The following VIT variants were observed in gnomAD, a reference collection of about 807,000 sequenced individuals.
The protein encoded by VIT is vitrin.
VIT carries 99 observed loss-of-function variants against 78.0 expected under a neutral mutation model. The ratio of observed to expected loss-of-function variants is 1.27; its 90% CI spans 1.08 to 1.50. The LOEUF (loss-of-function observed/expected upper bound fraction) is 1.50. VIT is among the 40% of genes most tolerant of loss of function. VIT has a pLI of 0.00. For missense variants in VIT, 1,126 were observed against 875.3 expected, an observed-to-expected ratio of 1.29 and a Z score of -3.61; for synonymous variants, 374 against 334.3, an observed-to-expected ratio of 1.12 and a Z score of -1.29.
At chr2:36,714,715 A>G (rs147145121) in intron 1 of VIT, among the ~76,000 whole-genome samples, 41 of 152,272 alleles carry the variant, frequency 2.7e-4, no homozygotes, top group Admixed American at 5.9e-4. Context: ...TCCTCCACCC[A>G]CTTTTACCTC....
chr2:36,730,187 C>T (rs1452137205), intron 3 of VIT, among the ~76,000 whole-genome samples: 2 of 151,642 alleles, frequency 1.3e-5, no homozygotes, highest in Non-Finnish European at 2.9e-5. Context: ...ATTAGGGAGG[C>T]TGAGGCACGA....
chr2:36,804,029 CT>C (rs1182457851), intron 13 of VIT, among the ~76,000 whole-genome samples: 1 of 152,200 alleles, frequency 6.6e-6, no homozygotes, highest in Non-Finnish European at 1.5e-5. Context: ...AGTACTAAAA[CT>C]GGGAAAGTCC....
At chr2:36,801,234 G>C in intron 12 of VIT, 67 bp from the exon 13 acceptor site, 1 of 1,383,486 alleles carries the variant, frequency 7.2e-7, no homozygotes, top group Middle Eastern at 1.8e-4. Context: ...AATCAACCAT[G>C]ATCTCTGCCT....
intron 1 of VIT, among the ~76,000 whole-genome samples, chr2:36,714,105 G>A (rs1387780675): frequency 6.6e-6 from 1 of 152,168 alleles, no homozygotes; most frequent in Non-Finnish European, 1.5e-5. Flanking sequence ...AAGTGTTGTT[G>A]GAAAATAACA....
At chr2:36,809,300 T>C (rs1014955943) in intron 15 of VIT, among the ~76,000 whole-genome samples, 4 of 152,150 alleles carry the variant, frequency 2.6e-5, no homozygotes, top group African/African-American at 9.7e-5. Context: ...CATGATACAT[T>C]AAAAGGGAAT....
chr2:36,798,041 C>G (rs1666034720), intron 12 of VIT, among the ~76,000 whole-genome samples: 1 of 151,966 alleles, frequency 6.6e-6, no homozygotes. Flanking sequence ...AAAGGGTGAA[C>G]AGTTCATTTT....
chr2:36,753,363 TAA>T (rs1668580925), intron 4 of VIT, among the ~76,000 whole-genome samples: 1 of 136,714 alleles, frequency 7.3e-6, no homozygotes, highest in East Asian at 3.1e-4. Flanking sequence ...CCCCTGAACT[TAA>T]AATAAAAGTT....
chr2:36,775,181 G>C (rs999542663), intron 9 of VIT, 114 bp downstream of exon 9: 3 of 1,210,848 alleles, frequency 2.5e-6, no homozygotes, highest in Non-Finnish European at 3.5e-6. Context: ...TCAACTTCAG[G>C]TCACCAGAGT....
In VIT at chr2:36,735,759, A is replaced by T. The variant is rs112711412; in HGVS notation, c.118+6268A>T. ...CCCACCTTCCCAGTCTTAGAAGATC[A>T]TTGTGTCTCCATCACTCTTTGGGCT... On this transcript the variant is annotated intron_variant, in intron 3 of 15. Transcript: ENST00000379242. Among the ~76,000 whole-genome samples the T allele has an allele frequency of 3.2e-3, 483 of 152,290 alleles. 3 individuals carry two copies. The highest frequency in any genetic ancestry group is 0.011 in the African/African-American group (451 of 41,564).
At chr2:36,805,287 G>C in intron 13 of VIT, 151 bp from the exon 14 acceptor site, 2 of 873,454 alleles carry the variant, frequency 2.3e-6, no homozygotes, top group Non-Finnish European at 3.2e-6. Flanking sequence ...CTGGGCAACA[G>C]AGCAAGACCC....
chr2:36,729,488 T>C lies in VIT; in HGVS notation c.115T>C (p.Phe39Leu). Residue 39 changes from phenylalanine (F) to leucine (L), a missense_variant, in exon 3 of 16, where the codon TTC (phenylalanine) becomes CTC (leucine). Phe to Leu is a conservative substitution (Grantham distance 22, BLOSUM62 0). Transcript: ENST00000379242. ...GGCAAAGAAGATTAAAAGGCCCAAGTTCAGTAAGTAAAATCACAATTCCTT... is the reference window on the plus strand; with the variant it reads ...GGCAAAGAAGATTAAAAGGCCCAAGCTCAGTAAGTAAAATCACAATTCCTT... ...ETAKKIKRPK[F>L]TVPQINCDVK... 6.2e-7 allele frequency: 1 copy of C among 1,608,890 alleles called. No individual in the cohort carries two copies. The highest frequency in any genetic ancestry group is 8.5e-7 in the Non-Finnish European group (1 of 1,177,710).
At chr2:36,779,047 G>T (rs80304500) in intron 9 of VIT, among the ~76,000 whole-genome samples, 6,053 of 152,266 alleles carry the variant, frequency 0.04, 359 homozygotes, top group East Asian at 0.25. Context: ...CCAGCACCAA[G>T]ATCACACCAC....
intron 3 of VIT, among the ~76,000 whole-genome samples, chr2:36,734,928 C>T (rs554965111): frequency 6.6e-6 from 1 of 152,084 alleles, no homozygotes; most frequent in Non-Finnish European, 1.5e-5. Context: ...CTTTGGGAGG[C>T]CGAGGCAGGT....
intron 15 of VIT, among the ~76,000 whole-genome samples, chr2:36,812,646 A>G (rs1246079340): frequency 6.6e-6 from 1 of 151,932 alleles, no homozygotes; most frequent in Admixed American, 6.6e-5. Context: ...CTCCCTCCCT[A>G]TAAATAAAAC....
At chr2:36,781,869 T>A in intron 10 of VIT, 98 bp downstream of exon 10, 1 of 1,435,450 alleles carries the variant, frequency 7.0e-7, no homozygotes, top group Non-Finnish European at 9.7e-7. Context: ...GCGGCCGAGC[T>A]CCACTAGCCT....
At chr2:36,811,977 G>A (rs1205033635) in intron 15 of VIT, among the ~76,000 whole-genome samples, 6 of 151,976 alleles carry the variant, frequency 3.9e-5, no homozygotes, top group African/African-American at 9.7e-5. Context: ...CGCCTGGCCC[G>A]GAGAGCTAAA....
chr2:36,727,292 A>G (rs1666915681), intron 2 of VIT, among the ~76,000 whole-genome samples: 1 of 152,050 alleles, frequency 6.6e-6, no homozygotes, highest in African/African-American at 2.4e-5. Context: ...ACTCGTATGC[A>G]CACACACATG....
In VIT at chr2:36,805,567, T is replaced by C; in HGVS notation, c.1292T>C (p.Leu431Pro). ...GACAAAGTGGAGGAGGCTTCAAGAC[T>C]TGCGAGAGAGTCAGGAATCAACATT... Reference protein sequence around the residue: ...PTDKVEEASRLARESGINIFF... With the variant: ...PTDKVEEASRPARESGINIFF... The change falls in exon 14 of 16, where the codon CTT becomes CCT. Residue 431 changes from leucine to proline, a missense_variant. Transcript: ENST00000379242. 1 of 1,614,120 alleles carries C rather than the reference T, an allele frequency of 6.2e-7. No individual in the cohort carries two copies. The highest frequency in any genetic ancestry group is 8.5e-7 in the Non-Finnish European group (1 of 1,180,022).
At chr2:36,713,777 C>T (rs1573127529) in intron 1 of VIT, among the ~76,000 whole-genome samples, 2 of 152,278 alleles carry the variant, frequency 1.3e-5, no homozygotes, top group South Asian at 2.1e-4. Flanking sequence ...AAGGATAACT[C>T]GGATGAAATC....
Sources: gnomAD v4.1 joint callset for allele counts (sites outside exome capture counted in the v4.1 genomes callset) on GRCh38, gnomAD v4.1.1 for gene constraint, MANE v1.5 for transcripts, NCBI Gene and HGNC (gene_info 2026-07-23, HGNC 2026-07-21) for gene names.